DLGAP1: variants seen among roughly 807,000 people sequenced by gnomAD.
The protein encoded by DLGAP1 is disks large-associated protein 1.
A neutral mutation model predicts 90.8 loss-of-function variants in DLGAP1; 11 were observed. That is an observed-to-expected ratio of 0.12 (90% CI 0.08 to 0.20). The LOEUF is 0.20. Ranked by LOEUF, DLGAP1 falls within the 10% of genes least tolerant of loss-of-function variation. DLGAP1 has a pLI of 1.00. For synonymous variants in DLGAP1, 558 were observed against 540.7 expected (o/e 1.03, Z -0.44); for missense variants, 1,050 against 1,333.8 (o/e 0.79, Z 3.31).
intron 2 of DLGAP1, among the ~76,000 whole-genome samples, chr18:4,015,966 T>C (rs2074517112): frequency 6.6e-6 from 1 of 152,256 alleles, no homozygotes; most frequent in African/African-American, 2.4e-5. Context: ...GATGTTGATA[T>C]TTTAATTCTC....
At position 3,879,608 on chromosome 18, in the gene DLGAP1, G is replaced by A. The variant is rs866823854; in HGVS notation, c.461C>T (p.Ser154Phe). 1 of 1,603,324 alleles carries A rather than the reference G, an allele frequency of 6.2e-7. No individual in the cohort carries two copies. Among genetic ancestry groups the A allele is most frequent in the Non-Finnish European group, 8.5e-7 (1 of 1,178,710 alleles). ...GCTGCCCTTGGACGGCCCCTCCAGG[G>A]AGTGCGACTTGGTGAAGAGCTTCTG... ...SVQKLFTKSH[S>F]LEGPSKGSVN... Residue 154 changes from serine (S) to phenylalanine (F), a missense_variant, in exon 4 of 13, where the codon TCC becomes TTC. Physicochemically the swap from Ser to Phe is radical, Grantham distance 155 (BLOSUM62 -2). Around this residue, in one of 2 missense-constraint regions of DLGAP1, gnomAD observed 485 missense variants for 454.1 expected, o/e 1.07. Transcript: ENST00000315677. The surrounding 1 kb of genome is among the most constrained non-coding windows in gnomAD (Gnocchi z 6.6).
At chr18:4,061,199 G>A (rs2075293151) in intron 2 of DLGAP1, among the ~76,000 whole-genome samples, 1 of 152,148 alleles carries the variant, frequency 6.6e-6, no homozygotes, top group African/African-American at 2.4e-5. Context: ...GAGACTACTG[G>A]AAAAATAATT....
intron 1 of DLGAP1, among the ~76,000 whole-genome samples, chr18:4,251,098 G>C (rs377625059): frequency 6.6e-6 from 1 of 152,082 alleles, no homozygotes; most frequent in African/African-American, 2.4e-5. Context: ...AGAAGTGACA[G>C]AGTCTTTAAA....
At chr18:3,749,294 G>A (rs1395252697) in intron 5 of DLGAP1, among the ~76,000 whole-genome samples, 54 of 151,708 alleles carry the variant, frequency 3.6e-4, no homozygotes, top group South Asian at 2.1e-4. Context: ...GATTACAGGC[G>A]GATGCCACCA....
intron 1 of DLGAP1, among the ~76,000 whole-genome samples, chr18:4,347,161 A>T (rs2081315665): frequency 6.6e-6 from 1 of 152,132 alleles, no homozygotes; most frequent in Non-Finnish European, 1.5e-5. Context: ...TAATGGAGAA[A>T]GTTTAAAGAG....
chr18:3,918,646 T>C (rs2072199402), intron 3 of DLGAP1, among the ~76,000 whole-genome samples: 1 of 152,154 alleles, frequency 6.6e-6, no homozygotes, highest in Non-Finnish European at 1.5e-5. Flanking sequence ...GGTTTCTACC[T>C]GTGTTATGGG....
intron 5 of DLGAP1, among the ~76,000 whole-genome samples, chr18:3,758,862 C>T (rs115243732): frequency 9.5e-4 from 145 of 152,226 alleles, no homozygotes; most frequent in African/African-American, 3.3e-3. Context: ...ACAAATTTTA[C>T]GTTTTTTGCA....
chr18:3,972,804 A>G (rs960052296), intron 3 of DLGAP1, among the ~76,000 whole-genome samples: 9 of 152,192 alleles, frequency 5.9e-5, no homozygotes, highest in Non-Finnish European at 1.5e-5. Context: ...TGCCCTGGCC[A>G]GCAACACTGA....
intron 4 of DLGAP1, among the ~76,000 whole-genome samples, chr18:3,851,929 C>T (rs1477072107): frequency 1.3e-5 from 2 of 150,898 alleles, no homozygotes; most frequent in East Asian, 1.9e-4. Flanking sequence ...TGGGAACTGG[C>T]GGAATTGAAG....
intron 5 of DLGAP1, among the ~76,000 whole-genome samples, chr18:3,751,705 T>G (rs1033382726): frequency 2.0e-5 from 3 of 151,078 alleles, no homozygotes; most frequent in African/African-American, 7.3e-5. Context: ...ACTAGAGGTG[T>G]GCGCGTGTGC....
chr18:3,527,963 G>A (rs2051756208), intron 10 of DLGAP1, among the ~76,000 whole-genome samples: 2 of 152,052 alleles, frequency 1.3e-5, no homozygotes, highest in African/African-American at 2.4e-5. Flanking sequence ...TGTACCATTC[G>A]GAGGCATTAT....
At chr18:3,674,249 G>C (rs751108476) in intron 7 of DLGAP1, among the ~76,000 whole-genome samples, 13 of 148,150 alleles carry the variant, frequency 8.8e-5, no homozygotes, top group Non-Finnish European at 1.5e-4. Context: ...CCAGGAGTTT[G>C]AGAACAGCCT....
intron 1 of DLGAP1, among the ~76,000 whole-genome samples, chr18:4,269,140 C>A (rs1415236756): frequency 6.6e-6 from 1 of 151,636 alleles, no homozygotes; most frequent in Non-Finnish European, 1.5e-5. Context: ...TTGCTACTTA[C>A]TGAATTTCTC....
At chr18:3,917,543 A>C (rs1423654813) in intron 3 of DLGAP1, among the ~76,000 whole-genome samples, 1 of 144,834 alleles carries the variant, frequency 6.9e-6, no homozygotes, top group African/African-American at 2.6e-5. Context: ...CATTTTATAG[A>C]GTAATGATCT....
intron 7 of DLGAP1, among the ~76,000 whole-genome samples, chr18:3,647,166 A>C (rs544819540): frequency 5.3e-5 from 8 of 152,034 alleles, no homozygotes; most frequent in Non-Finnish European, 4.4e-5. Context: ...AGTCAGGAGA[A>C]TCGCTTGAAC....
In DLGAP1 at chr18:3,600,969, G is replaced by GATAGATATATAGATATAGATAT. The variant is rs1389197009; in HGVS notation, c.1592-18743_1592-18722dup. ...ATATATAGATATATATAGATATATA[G>GATAGATATATAGATATAGATAT]ATAGATATATAGATATAGATATATA... On this transcript the variant is annotated intron_variant, in intron 7 of 12. Transcript: ENST00000315677. Among the ~76,000 whole-genome samples, 11 of 87,506 alleles carry GATAGATATATAGATATAGATAT rather than the reference G, an allele frequency of 1.3e-4. 3 individuals carry two copies. In the South Asian group the frequency reaches 2.0e-3, roughly 16 times the overall value. 57.4% of individuals were successfully genotyped at this position (87,506 alleles called of 152,430 possible).
chr18:4,136,002 A>AT (rs2076394454), intron 2 of DLGAP1, among the ~76,000 whole-genome samples: 1 of 151,848 alleles, frequency 6.6e-6, no homozygotes, highest in Non-Finnish European at 1.5e-5. Flanking sequence ...ATATCTCCTA[A>AT]TGCTATCCCT....
At chr18:4,417,752 G>C (rs1260444489) in intron 1 of DLGAP1, among the ~76,000 whole-genome samples, 2 of 152,276 alleles carry the variant, frequency 1.3e-5, no homozygotes, top group South Asian at 2.1e-4. Context: ...GGGGAAGATA[G>C]AGAGGCAGAT....
At chr18:4,176,549 C>T (rs192332332) in intron 1 of DLGAP1, among the ~76,000 whole-genome samples, 36 of 152,314 alleles carry the variant, frequency 2.4e-4, no homozygotes, top group African/African-American at 8.7e-4. Context: ...TTCCACTGGT[C>T]TTACCCTTAT....
Sources: gnomAD v4.1 joint callset for allele counts (sites outside exome capture counted in the v4.1 genomes callset) on GRCh38, gnomAD v4.1.1 for gene constraint, gnomAD v4.1.1 regional missense constraint, Gnocchi (gnomAD v3.1) non-coding constraint, MANE v1.5 for transcripts, NCBI Gene and HGNC (gene_info 2026-07-23, HGNC 2026-07-21) for gene names.